The following HS1BP3 variants were observed in gnomAD, a reference collection of about 807,000 sequenced individuals.
HS1BP3 encodes HCLS1-binding protein 3.
HS1BP3 carries 32 observed loss-of-function variants against 33.5 expected under a neutral mutation model. The observed-to-expected ratio is 0.95, with a 90% CI of 0.72 to 1.28. The LOEUF (loss-of-function observed/expected upper bound fraction) is 1.28, where lower values mean the gene tolerates loss of function less well. Ranked by LOEUF, HS1BP3 falls within the 50% of genes most tolerant of loss-of-function variation. The pLI, the probability that HS1BP3 is intolerant of heterozygous loss-of-function variation, is 0.00. For synonymous variants in HS1BP3, 187 were observed against 209.2 expected (o/e 0.89, Z 0.92); for missense variants, 486 against 502.3 (o/e 0.97, Z 0.31).
intron 5 of HS1BP3, among the ~76,000 whole-genome samples, chr2:20,575,772 C>CGT (rs1693385535): frequency 6.7e-6 from 1 of 149,282 alleles, no homozygotes; most frequent in Non-Finnish European, 1.5e-5. Context: ...CCCCCCCCCC[C>CGT]CCTTCAGGCT....
intron 6 of HS1BP3, among the ~76,000 whole-genome samples, chr2:20,620,246 C>T (rs905075520): frequency 7.9e-5 from 12 of 152,226 alleles, no homozygotes; most frequent in Non-Finnish European, 1.2e-4. Flanking sequence ...AGATTAGCCC[C>T]GTTTTACAGC....
At chr2:20,628,527 C>T (rs368553105) in intron 4 of HS1BP3, among the ~76,000 whole-genome samples, 22 of 151,454 alleles carry the variant, frequency 1.5e-4, no homozygotes, top group African/African-American at 4.4e-4. Flanking sequence ...CCCAGCTACT[C>T]GGGAGGCTGA....
intron 5 of HS1BP3, among the ~76,000 whole-genome samples, chr2:20,564,083 C>T (rs907734107): frequency 5.3e-5 from 8 of 152,322 alleles, no homozygotes; most frequent in East Asian, 1.9e-4. Flanking sequence ...CCAGAGTGAA[C>T]GTGGGAACTG....
intron 2 of HS1BP3, among the ~76,000 whole-genome samples, chr2:20,609,303 T>A (rs1373231646): frequency 6.6e-6 from 1 of 152,170 alleles, no homozygotes; most frequent in Non-Finnish European, 1.5e-5. Context: ...CCTTCCTGCA[T>A]CCCAGCAAAG....
rs796755375 is a variant in HS1BP3 at position 20,617,872 on chromosome 2, C to T, written c.*1115G>A. On this transcript the variant is annotated 3_prime_UTR_variant, in exon 7 of 7. Transcript: ENST00000304031. ...TCATTCACTGAGAATTTCCAAAGCA[C>T]TGTGTGGTGCCTAGACCTGTGTACC... The T allele has an allele frequency of 3.9e-5, 6 of 152,804 alleles. No homozygotes were observed. Among genetic ancestry groups the T allele is most frequent in the African/African-American group, 1.4e-4 (6 of 41,594 alleles). 9.5% of individuals were successfully genotyped at this position (152,804 alleles called of 1,614,324 possible).
intron 4 of HS1BP3, 49 bp from the exon 5 acceptor site, chr2:20,624,941 C>T (rs1309374235): frequency 6.2e-7 from 1 of 1,607,900 alleles, no homozygotes; most frequent in Admixed American, 1.7e-5. Context: ...CACAAGTGTC[C>T]AGGTGGTCCG....
At chr2:20,565,934 C>T (rs1378593256) in intron 5 of HS1BP3, among the ~76,000 whole-genome samples, 3 of 152,238 alleles carry the variant, frequency 2.0e-5, no homozygotes, top group Non-Finnish European at 4.4e-5. Context: ...AGCCATCATT[C>T]ATGGCTGAGC....
chr2:20,592,016 C>G (rs7558984), downstream of HS1BP3, among the ~76,000 whole-genome samples: 144,849 of 152,200 alleles, frequency 0.95, 69,347 homozygotes, highest in East Asian at 1. Flanking sequence ...CCCCAGCATC[C>G]AGGCCAGAAA....
At chr2:20,607,597 C>T (rs1694224697) in intron 2 of HS1BP3, among the ~76,000 whole-genome samples, 1 of 152,206 alleles carries the variant, frequency 6.6e-6, no homozygotes, top group African/African-American at 2.4e-5. Flanking sequence ...TTAATTCCAT[C>T]CAGTTGATCT....
chr2:20,601,770 CTTTTTTTTT>C (rs35644786), intron 2 of HS1BP3, among the ~76,000 whole-genome samples: 5 of 69,150 alleles, frequency 7.2e-5, no homozygotes, highest in East Asian at 1.1e-3. Flanking sequence ...AGTGTGTCTT[CTTTTTTTTT>C]TTTTTTTTTT....
chr2:20,607,290 G>A (rs888571948), intron 2 of HS1BP3, among the ~76,000 whole-genome samples: 1 of 152,064 alleles, frequency 6.6e-6, no homozygotes, highest in African/African-American at 2.4e-5. Context: ...TGAGTAGCTG[G>A]AGTTACAGAC....
downstream of HS1BP3, chr2:20,590,950 T>C (rs937030759): frequency 1.2e-5 from 2 of 167,208 alleles, no homozygotes; most frequent in African/African-American, 4.8e-5. Context: ...TCCAGGAAAC[T>C]GCATCTCCCT....
chr2:20,650,617 G>T (rs1335412015), intron 1 of HS1BP3, among the ~76,000 whole-genome samples: 1 of 152,248 alleles, frequency 6.6e-6, no homozygotes, highest in African/African-American at 2.4e-5. Context: ...CCTGCAGGGC[G>T]AGCTTGTCTG....
At chr2:20,599,103 G>A (rs1191946305) in intron 2 of HS1BP3, among the ~76,000 whole-genome samples, 1 of 152,244 alleles carries the variant, frequency 6.6e-6, no homozygotes, top group East Asian at 1.9e-4. Context: ...GCCTGCTGGA[G>A]ATACTGCTAA....
rs1441422326 is a variant in HS1BP3, at chr2:20,600,204, C to T, written c.179-1939G>A. Among the ~76,000 whole-genome samples, 6 of 152,274 alleles carry T rather than the reference C, an allele frequency of 3.9e-5. No homozygotes were observed. The East Asian group carries it at 1.2e-3, about 29-fold the overall frequency. ...CTGTGATCTACGGGTGTCATTAAGA[C>T]AGAGATGGTCTGGTTAGGGACACTG... On this transcript the variant is annotated intron_variant, in intron 2 of 3. Coordinates refer to the HS1BP3 transcript ENST00000415264.
chr2:20,574,152 C>T (rs973639073), intron 5 of HS1BP3, among the ~76,000 whole-genome samples: 1 of 152,194 alleles, frequency 6.6e-6, no homozygotes, highest in African/African-American at 2.4e-5. Flanking sequence ...CTTCTGAGTG[C>T]ATCACAGTGA....
At chr2:20,597,926 G>A (rs927131080) in intron 3 of HS1BP3, among the ~76,000 whole-genome samples, 1 of 152,036 alleles carries the variant, frequency 6.6e-6, no homozygotes, top group South Asian at 2.1e-4. Flanking sequence ...CCTCCTTATC[G>A]AAGACTCCCT....
chr2:20,605,544 T>TC (rs1366330221), intron 2 of HS1BP3, among the ~76,000 whole-genome samples: 2 of 151,928 alleles, frequency 1.3e-5, no homozygotes, highest in African/African-American at 2.4e-5. Flanking sequence ...GCTATCGACT[T>TC]CCGGAATATG....
chr2:20,593,037 C>T (rs1031151130), intron 3 of HS1BP3, among the ~76,000 whole-genome samples: 2 of 152,126 alleles, frequency 1.3e-5, no homozygotes, highest in East Asian at 1.9e-4. Context: ...TATCCATGAC[C>T]TCCAACCTCC....
Sources: allele counts gnomAD v4.1 joint callset (sites outside exome capture counted in the v4.1 genomes callset), GRCh38; gene constraint gnomAD v4.1.1; transcripts MANE v1.5; gene names NCBI Gene and HGNC (gene_info 2026-07-23, HGNC 2026-07-21).